TAAR2: variants seen among roughly 807,000 people sequenced by gnomAD.
TAAR2 encodes trace amine associated receptor 2.
In TAAR2, 30 loss-of-function variants were observed where a neutral mutation model predicts 25.5. The ratio of observed to expected loss-of-function variants is 1.18; its 90% confidence interval spans 0.88 to 1.60. The LOEUF (loss-of-function observed/expected upper bound fraction) is 1.60, where lower values mean the gene tolerates loss of function less well. TAAR2 is among the 40% of genes most tolerant of loss of function. The pLI, the probability that TAAR2 is intolerant of heterozygous loss-of-function variation, is 0.00. For missense variants in TAAR2, 481 were observed against 416.5 expected, an observed-to-expected ratio of 1.15 and a Z score of -1.35; for synonymous variants, 150 against 142.4, an observed-to-expected ratio of 1.05 and a Z score of -0.38.
intron 1 of TAAR2, among the ~76,000 whole-genome samples, chr6:132,620,101 A>AT (rs531631360): frequency 2.3e-4 from 35 of 152,184 alleles, no homozygotes; most frequent in African/African-American, 8.4e-4. Flanking sequence ...TTGGGTAATG[A>AT]TTTTTTTAAA....
Position 132,617,537 on chromosome 6 carries a change from A to T in TAAR2, c.669T>A (p.Ser223=), listed in dbSNP as rs762850952. 1.2e-6 allele frequency: 2 copies of T among 1,614,036 alleles called. No homozygotes were observed. The highest frequency in any genetic ancestry group is 1.1e-5 in the South Asian group (1 of 91,086). The part of the protein sequence containing the change: ...LFMAGFFTPG[S]MMVGIYGKIF... ...TTTTGCCATAAATCCCCACCATCAT[A>T]GACCCAGGAGTGAAGAAACCTGCCA... is the stretch of plus-strand genomic sequence containing the variant. The change falls in exon 2 of 2, where the codon TCT becomes TCA. Residue 223 remains serine, a synonymous_variant. Transcript: ENST00000367931.
chr6:132,617,281 T>C lies in TAAR2; in HGVS notation c.925A>G (p.Thr309Ala), dbSNP rs754643197. The stretch of plus-strand genomic sequence containing the variant: ...AAACCATATATTAACGGATTACATG[T>C]GGAGTTAAAATAGCCAAACCATGTC... ...ALTWFGYFNS[T>A]CNPLIYGFFY... Residue 309 changes from threonine to alanine, a missense_variant, in exon 2 of 2, where the codon ACA becomes GCA. By Grantham distance (58) the Thr-to-Ala change is moderately conservative. Coordinates refer to ENST00000367931, the MANE Select transcript of TAAR2 (RefSeq NM_001033080.1). 6.2e-7 allele frequency: 1 copy of C among 1,613,730 alleles called. No homozygotes were observed. The highest frequency in any genetic ancestry group is 1.1e-5 in the South Asian group (1 of 91,060).
At position 132,620,763 on chromosome 6, in the gene TAAR2, C is replaced by A. The variant is rs1277232448; in HGVS notation, c.61-2618G>T. Among the ~76,000 whole-genome samples the A allele has an allele frequency of 2.0e-5, 3 of 151,600 alleles. No homozygotes were observed. In the East Asian group the frequency reaches 5.8e-4, roughly 29 times the overall value. On this transcript the variant is annotated intron_variant, in intron 1 of 1. Transcript: ENST00000367931. ...CGTATGTAACAAACCTTCACATGTA[C>A]CCCCTGAACCTAAAATAAAAGTTAA...
rs1777327173 is a variant in TAAR2, at chr6:132,618,181, ATATAAAT to A, written c.61-43_61-37del. The A allele has an allele frequency of 7.9e-6, 12 of 1,519,590 alleles. No individual in the cohort carries two copies. In the East Asian group the frequency reaches 2.7e-4, roughly 34 times the overall value. The allele number at this position is 1,519,590 out of a possible 1,614,324, so 94.1% of individuals were successfully genotyped here. ...CAAGAACAGATAGAATTTTGTCAGA[ATATAAAT>A]ATTCTATGTTTTATATATGCTTTCA... On this transcript the variant is annotated intron_variant, in intron 1 of 1. Transcript: ENST00000367931.
intron 1 of TAAR2, among the ~76,000 whole-genome samples, chr6:132,621,176 C>A (rs1295886305): frequency 2.7e-5 from 4 of 150,352 alleles, no homozygotes; most frequent in African/African-American, 2.4e-5. Context: ...AAAACAACAA[C>A]AAATAACGAA....
At chr6:132,622,017 C>T (rs1481166885) in intron 1 of TAAR2, among the ~76,000 whole-genome samples, 2 of 152,072 alleles carry the variant, frequency 1.3e-5, no homozygotes, top group Non-Finnish European at 2.9e-5. Flanking sequence ...AAGGCTATAG[C>T]TTTCAAGGGT....
Position 132,624,235 on chromosome 6 carries a change from T to C in TAAR2, c.41A>G (p.Lys14Arg), listed in dbSNP as rs1777413401. Residue 14 changes from lysine (K) to arginine (R), a missense_variant, in exon 1 of 2, where the codon AAA becomes AGA. Transcript: ENST00000367931. ...GCCTACCTTTTTTGTCTGTGTTCTT[T>C]TGAAATGTGAAAGTTCATGTTGCTC... ...SSEQHELSHF[K>R]RTQTKKEKFN... 5 of 1,613,416 alleles carry C rather than the reference T, an allele frequency of 3.1e-6. No individual in the cohort carries two copies. Among genetic ancestry groups the C allele is most frequent in the Admixed American group, 3.3e-5 (2 of 59,896 alleles).
chr6:132,617,570 G>T lies in TAAR2; in HGVS notation c.636C>A (p.Thr212=), dbSNP rs759428495. The T allele has an allele frequency of 3.1e-6, 5 of 1,613,974 alleles. No homozygotes were observed. Among genetic ancestry groups the T allele is most frequent in the Non-Finnish European group, 4.2e-6 (5 of 1,179,974 alleles). Residue 212 remains threonine (T), a synonymous_variant, in exon 2 of 2, where the codon ACC becomes ACA. Coordinates refer to ENST00000367931, the MANE Select transcript of TAAR2 (RefSeq NM_001033080.1). ...GAGTGAAGAAACCTGCCATAAACAA[G>T]GTGGTCCCCCATAGCTTGTTGAACA... ...PVMFNKLWGT[T]LFMAGFFTPG...
intron 1 of TAAR2, 116 bp from the exon 2 acceptor site, chr6:132,618,261 G>A (rs1777328082): frequency 1.1e-6 from 1 of 942,232 alleles, no homozygotes; most frequent in African/African-American, 1.7e-5. Context: ...GATAATTTAT[G>A]CTGTAATATT....
At chr6:132,620,281 G>A (rs552589378) in intron 1 of TAAR2, among the ~76,000 whole-genome samples, 7 of 152,160 alleles carry the variant, frequency 4.6e-5, no homozygotes, top group African/African-American at 1.2e-4. Context: ...ATGATGGGAC[G>A]TATTTGAGCA....
At position 132,617,882 on chromosome 6, in the gene TAAR2, G is replaced by T. The variant is rs530446092; in HGVS notation, c.324C>A (p.Cys108Ter). Residue 108 changes from cysteine (C) to a stop codon, truncating the protein, a stop_gained, in exon 2 of 2, where the codon TGC (cysteine) becomes TGA (stop). Transcript: ENST00000367931. LOFTEE classifies it high-confidence loss of function. Reference sequence around the variant, plus strand: ...TGCAAAATGTAAGCCCAAAATACCAGCAGTTCTCCACCGATCTGATCATAC... The same window carrying T: ...TGCAAAATGTAAGCCCAAAATACCATCAGTTCTCCACCGATCTGATCATAC... The part of the protein sequence containing the change: ...PYSMIRSVEN[C>*]WYFGLTFCKI... The T allele has an allele frequency of 1.1e-4, 180 of 1,614,054 alleles. 3 individuals carry two copies. The South Asian group carries it at 1.9e-3, about 17-fold the overall frequency.
intron 1 of TAAR2, among the ~76,000 whole-genome samples, chr6:132,621,422 C>T (rs1005060238): frequency 6.6e-6 from 1 of 152,002 alleles, no homozygotes; most frequent in Non-Finnish European, 1.5e-5. Context: ...CCTTGCCCCC[C>T]ACCCCCTGAC....
intron 1 of TAAR2, among the ~76,000 whole-genome samples, chr6:132,619,824 G>A (rs1777351139): frequency 6.6e-6 from 1 of 152,164 alleles, no homozygotes; most frequent in African/African-American, 2.4e-5. Context: ...CTTTTGATCT[G>A]GGTCTCAATG....
Position 132,619,832 on chromosome 6 carries a change from A to G in TAAR2, c.61-1687T>C, listed in dbSNP as rs137928308. The stretch of plus-strand genomic sequence containing the variant: ...GATATGACTTTTGATCTGGGTCTCA[A>G]TGGGTGAGTAGGATTTGAACAGAAG... On this transcript the variant is annotated intron_variant, in intron 1 of 1. Coordinates refer to ENST00000367931, the MANE Select transcript of TAAR2 (RefSeq NM_001033080.1). 3.4e-3 allele frequency among the ~76,000 whole-genome samples: 515 copies of G among 152,300 alleles called. 3 individuals carry two copies. The highest frequency in any genetic ancestry group is 0.012 in the African/African-American group (490 of 41,560).
At chr6:132,620,619 G>C (rs1777358619) in intron 1 of TAAR2, among the ~76,000 whole-genome samples, 1 of 152,074 alleles carries the variant, frequency 6.6e-6, no homozygotes, top group South Asian at 2.1e-4. Context: ...TCTACTTGGG[G>C]CCAGAGCGGG....
In TAAR2 at chr6:132,618,611, AC is replaced by A. The variant is rs1460043717; in HGVS notation, c.61-467del. On this transcript the variant is annotated intron_variant, in intron 1 of 1. Coordinates refer to ENST00000367931, the MANE Select transcript of TAAR2 (RefSeq NM_001033080.1). ...GCCGAGATTGTGCCACTGAACTCCA[AC>A]TTGGGAGACAGAGAGAGACTCCATC... is the stretch of plus-strand genomic sequence containing the variant. 1.3e-4 allele frequency among the ~76,000 whole-genome samples: 20 copies of A among 152,186 alleles called. No homozygotes were observed. In the East Asian group the frequency reaches 3.9e-3, roughly 29 times the overall value.
At chr6:132,620,424 AAG>A (rs1777356988) in intron 1 of TAAR2, among the ~76,000 whole-genome samples, 1 of 152,248 alleles carries the variant, frequency 6.6e-6, no homozygotes, top group Admixed American at 6.5e-5. Flanking sequence ...TTATTCATGA[AAG>A]AGTTTCATCA....
intron 1 of TAAR2, among the ~76,000 whole-genome samples, chr6:132,623,122 G>C (rs1777397288): frequency 6.6e-6 from 1 of 152,078 alleles, no homozygotes. Context: ...TTTCTCCTAA[G>C]AAAAAGAGGA....
chr6:132,618,605 A>G (rs967218213), intron 1 of TAAR2, among the ~76,000 whole-genome samples: 2 of 151,734 alleles, frequency 1.3e-5, no homozygotes, highest in Non-Finnish European at 2.9e-5. Flanking sequence ...GTGCCACTGA[A>G]CTCCAACTTG....
Sources: allele counts gnomAD v4.1 joint callset (sites outside exome capture counted in the v4.1 genomes callset), GRCh38; gene constraint gnomAD v4.1.1; transcripts MANE v1.5; gene names NCBI Gene and HGNC (gene_info 2026-07-23, HGNC 2026-07-21).